The following ITGA9 variants were observed in gnomAD, a reference collection of about 807,000 sequenced individuals.
ITGA9 encodes integrin subunit alpha 9.
A neutral mutation model predicts 127.8 loss-of-function variants in ITGA9; 56 were observed. That is an observed-to-expected ratio of 0.44 (90% CI 0.35 to 0.55). The LOEUF is 0.55. Among genes scored for constraint, ITGA9 ranks in the 20% least tolerant of loss-of-function variants. The pLI, the probability that ITGA9 is intolerant of heterozygous loss-of-function variation, is 0.00. For missense variants in ITGA9, 1,196 were observed against 1,347.1 expected, an observed-to-expected ratio of 0.89 and a Z score of 1.76; for synonymous variants, 508 against 514.5, an observed-to-expected ratio of 0.99 and a Z score of 0.17.
intron 23 of ITGA9, among the ~76,000 whole-genome samples, chr3:37,770,516 G>T (rs928436992): frequency 1.3e-5 from 2 of 152,122 alleles, no homozygotes; most frequent in African/African-American, 4.8e-5. Flanking sequence ...CCTACAACAT[G>T]GAAATGCCAT....
chr3:37,795,607 G>A (rs1242221432), intron 26 of ITGA9, among the ~76,000 whole-genome samples: 1 of 152,142 alleles, frequency 6.6e-6, no homozygotes, highest in African/African-American at 2.4e-5. Context: ...ATTTTCGTCT[G>A]TTTTGTTAGT....
intron 13 of ITGA9, 106 bp downstream of exon 13, chr3:37,526,177 AG>A: frequency 1.0e-6 from 1 of 965,842 alleles, no homozygotes; most frequent in Non-Finnish European, 1.7e-6. Context: ...TGTAGGCTGG[AG>A]GTGCTTAGTA....
intron 17 of ITGA9, among the ~76,000 whole-genome samples, chr3:37,664,361 A>G (rs1700564668): frequency 1.3e-5 from 2 of 150,632 alleles, no homozygotes; most frequent in African/African-American, 4.9e-5. Flanking sequence ...TTCCTCCTGG[A>G]GACACAAGCA....
intron 22 of ITGA9, chr3:37,747,982 C>T (rs1696526284): frequency 3.9e-6 from 1 of 256,634 alleles, no homozygotes; most frequent in African/African-American, 2.3e-5. Flanking sequence ...CCTCCCAAGG[C>T]TTATTTTACT....
chr3:37,783,138 C>CAA (rs760956262), intron 25 of ITGA9, among the ~76,000 whole-genome samples: 4 of 140,810 alleles, frequency 2.8e-5, no homozygotes, highest in African/African-American at 7.9e-5. Flanking sequence ...GACTCTGTCT[C>CAA]AAAAAAAAAA....
chr3:37,494,863 G>A (rs1052107714), intron 5 of ITGA9, among the ~76,000 whole-genome samples: 1 of 152,142 alleles, frequency 6.6e-6, no homozygotes, highest in African/African-American at 2.4e-5. Context: ...GTCGATTTGG[G>A]GATGTGTGAG....
chr3:37,522,605 C>A (rs542578889), intron 11 of ITGA9, among the ~76,000 whole-genome samples: 10 of 151,970 alleles, frequency 6.6e-5, no homozygotes, highest in Non-Finnish European at 1.0e-4. Flanking sequence ...TGCCTATAGT[C>A]CCAGCTACTT....
At chr3:37,649,830 C>A (rs1700413421) in intron 16 of ITGA9, among the ~76,000 whole-genome samples, 1 of 152,232 alleles carries the variant, frequency 6.6e-6, no homozygotes, top group Non-Finnish European at 1.5e-5. Flanking sequence ...CAAAACAAAT[C>A]TTAGCAAATT....
intron 17 of ITGA9, among the ~76,000 whole-genome samples, chr3:37,678,639 A>T (rs1190055612): frequency 1.3e-5 from 2 of 152,230 alleles, no homozygotes; most frequent in African/African-American, 4.8e-5. Context: ...TTATGATGGC[A>T]GCAAAAGAAA....
In ITGA9 at chr3:37,692,133, A is replaced by G. The variant is rs1204020616; in HGVS notation, c.2067+8118A>G. ...AAAGTGGGATTGTGCCAAGGATTAAATGAGTCCTACACCATCATGTACAGT... is the reference window on the plus strand; with the variant it reads ...AAAGTGGGATTGTGCCAAGGATTAAGTGAGTCCTACACCATCATGTACAGT... On this transcript the variant is annotated intron_variant, in intron 18 of 27. Transcript: ENST00000264741. 2.0e-5 allele frequency among the ~76,000 whole-genome samples: 3 copies of G among 152,246 alleles called. No individual in the cohort carries two copies. In the East Asian group the frequency reaches 5.8e-4, roughly 29 times the overall value.
intron 17 of ITGA9, among the ~76,000 whole-genome samples, chr3:37,666,295 A>G (rs568468866): frequency 6.6e-6 from 1 of 152,336 alleles, no homozygotes; most frequent in South Asian, 2.1e-4. Flanking sequence ...TGAAGAAGTA[A>G]GGAAGTACAC....
chr3:37,468,386 C>T (rs1292411722), intron 1 of ITGA9, among the ~76,000 whole-genome samples: 1 of 152,078 alleles, frequency 6.6e-6, no homozygotes, highest in African/African-American at 2.4e-5. Flanking sequence ...AGGTGTTGAG[C>T]TCAGGGCAGT....
At chr3:37,693,796 G>C (rs1700856352) in intron 18 of ITGA9, among the ~76,000 whole-genome samples, 1 of 152,200 alleles carries the variant, frequency 6.6e-6, no homozygotes, top group Non-Finnish European at 1.5e-5. Context: ...TCATCCCTCA[G>C]TGCTGGGACA....
intron 15 of ITGA9, among the ~76,000 whole-genome samples, chr3:37,579,905 T>C (rs948624457): frequency 3.3e-5 from 5 of 152,176 alleles, no homozygotes; most frequent in Non-Finnish European, 7.4e-5. Context: ...TTATAAATGA[T>C]TTCTTGTTAA....
rs1699883985 is a variant in ITGA9, at chr3:37,597,913, A to G, written c.1690-31274A>G. ...CCGCTCCATGCATATCTCACTGTCC[A>G]ACAGGCCAGCCTGGGCATATTCACG... On this transcript the variant is annotated intron_variant, in intron 15 of 27. Transcript: ENST00000264741. The surrounding 1 kb of genome is among the most constrained non-coding windows in gnomAD (Gnocchi z 4.6). 6.6e-6 allele frequency among the ~76,000 whole-genome samples: 1 copy of G among 152,242 alleles called. No individual in the cohort carries two copies. The highest frequency in any genetic ancestry group is 1.5e-5 in the Non-Finnish European group (1 of 68,042).
chr3:37,643,126 C>G (rs1480824995), intron 16 of ITGA9, among the ~76,000 whole-genome samples: 1 of 152,154 alleles, frequency 6.6e-6, no homozygotes, highest in East Asian at 1.9e-4. Flanking sequence ...TCAGATTGCA[C>G]ACTTGGAGTC....
intron 3 of ITGA9, among the ~76,000 whole-genome samples, chr3:37,476,475 T>C (rs1020534157): frequency 2.2e-4 from 34 of 152,212 alleles, no homozygotes; most frequent in African/African-American, 8.0e-4. Context: ...CATCTGCTTG[T>C]TGGTCATTTT....
intron 17 of ITGA9, among the ~76,000 whole-genome samples, chr3:37,668,490 C>T (rs1361129418): frequency 6.6e-6 from 1 of 152,174 alleles, no homozygotes; most frequent in African/African-American, 2.4e-5. Flanking sequence ...AGCCCCGAAT[C>T]CCTCCCTTCT....
At chr3:37,697,349 ATT>A (rs1700896551) in intron 18 of ITGA9, among the ~76,000 whole-genome samples, 1 of 120,458 alleles carries the variant, frequency 8.3e-6, no homozygotes, top group Non-Finnish European at 1.8e-5. Context: ...TATTATTATT[ATT>A]ATACTTTAAG....
Sources: gnomAD v4.1 joint callset for allele counts (sites outside exome capture counted in the v4.1 genomes callset) on GRCh38, gnomAD v4.1.1 for gene constraint, Gnocchi (gnomAD v3.1) non-coding constraint, MANE v1.5 for transcripts, NCBI Gene and HGNC (gene_info 2026-07-23, HGNC 2026-07-21) for gene names.